Variants in DNAJC11 observed in about 807,000 individuals in gnomAD.
DNAJC11 encodes dnaJ homolog subfamily C member 11.
Under a neutral mutation model 78.6 loss-of-function variants are expected in DNAJC11, and 15 were observed. That is an observed-to-expected ratio of 0.19 (90% CI 0.13 to 0.29). The LOEUF is 0.29. Among genes scored for constraint, DNAJC11 ranks in the 10% least tolerant of loss-of-function variants. The pLI is 1.00. For missense variants in DNAJC11, 547 were observed against 709.6 expected (o/e 0.77, Z 2.60); for synonymous variants, 292 against 272.1 (o/e 1.07, Z -0.72).
intron 3 of DNAJC11, among the ~76,000 whole-genome samples, chr1:6,674,804 G>T (rs531783280): frequency 6.6e-6 from 1 of 152,150 alleles, no homozygotes; most frequent in East Asian, 1.9e-4. Context: ...AGAAGCTCCA[G>T]GGTTGGGGAG....
At chr1:6,685,121 A>C (rs1050894208) in intron 1 of DNAJC11, among the ~76,000 whole-genome samples, 2 of 152,162 alleles carry the variant, frequency 1.3e-5, no homozygotes, top group African/African-American at 4.8e-5. Flanking sequence ...AAAAAATTTA[A>C]AAAAATTATC....
chr1:6,644,260 A>G (rs1352755792), intron 10 of DNAJC11, among the ~76,000 whole-genome samples: 1 of 151,636 alleles, frequency 6.6e-6, no homozygotes, highest in Non-Finnish European at 1.5e-5. Flanking sequence ...CGGCCTCCCA[A>G]ATAGCTGGGA....
intron 1 of DNAJC11, among the ~76,000 whole-genome samples, chr1:6,683,957 C>T (rs1642594155): frequency 6.6e-6 from 1 of 152,314 alleles, no homozygotes; most frequent in East Asian, 1.9e-4. Flanking sequence ...CAATATACCA[C>T]CTATACCAAA....
At chr1:6,649,693 T>C (rs1468824767) in intron 7 of DNAJC11, among the ~76,000 whole-genome samples, 3 of 151,928 alleles carry the variant, frequency 2.0e-5, no homozygotes, top group Non-Finnish European at 1.5e-5. Flanking sequence ...ACATGTCTCA[T>C]TGGAAGTGTA....
In DNAJC11 at chr1:6,701,747, C is replaced by T; in HGVS notation, c.54G>A (p.Leu18=). Residue 18 remains leucine (L), a synonymous_variant, in exon 1 of 16, where the codon TTG becomes TTA. Transcript: ENST00000377577. The stretch of plus-strand genomic sequence containing the variant: ...GCCTCACCTCCCTGCGCACGTTCAG[C>T]AACGAGTAATAGTCTTCATTGTCCA... The part of the protein sequence containing the change: ...EELDNEDYYS[L]LNVRREASSE... The T allele has an allele frequency of 6.4e-7, 1 of 1,564,812 alleles. No individual in the cohort carries two copies. The highest frequency in any genetic ancestry group is 8.6e-7 in the Non-Finnish European group (1 of 1,158,030).
At chr1:6,697,743 G>A (rs1223931827) in intron 1 of DNAJC11, among the ~76,000 whole-genome samples, 1 of 152,144 alleles carries the variant, frequency 6.6e-6, no homozygotes, top group Non-Finnish European at 1.5e-5. Flanking sequence ...CCTGGAGAGG[G>A]AGATTCTTCA....
intron 4 of DNAJC11, among the ~76,000 whole-genome samples, chr1:6,663,304 CA>C (rs1202791706): frequency 6.6e-6 from 1 of 152,146 alleles, no homozygotes; most frequent in Non-Finnish European, 1.5e-5. Flanking sequence ...CCCACACCCC[CA>C]AACAAACCTA....
chr1:6,700,986 G>A (rs1642916330), intron 1 of DNAJC11, among the ~76,000 whole-genome samples: 1 of 152,200 alleles, frequency 6.6e-6, no homozygotes, highest in Non-Finnish European at 1.5e-5. Flanking sequence ...ACTACTGCCA[G>A]GCTATGTGAG....
In DNAJC11 at chr1:6,669,046, A is replaced by G. The variant is rs113018684; in HGVS notation, c.277-1236T>C. 3.6e-3 allele frequency among the ~76,000 whole-genome samples: 551 copies of G among 151,450 alleles called. 3 individuals carry two copies. Among genetic ancestry groups the G allele is most frequent in the African/African-American group, 0.013 (522 of 41,302 alleles). The stretch of plus-strand genomic sequence containing the variant: ...TACTAAAAATACAAAAATTAGTCAG[A>G]TGTGGTGGCAGGTGCCTGTAATCCC... On this transcript the variant is annotated intron_variant, in intron 3 of 15. Transcript: ENST00000377577.
At chr1:6,654,408 C>T (rs1642099047) in intron 4 of DNAJC11, 1 of 160,186 alleles carries the variant, frequency 6.2e-6, no homozygotes, top group Non-Finnish European at 1.4e-5. Flanking sequence ...AAATGAGCTA[C>T]ATGGATTAAA....
chr1:6,701,580 G>A (rs1167573331), intron 1 of DNAJC11, 149 bp downstream of exon 1: 9 of 731,324 alleles, frequency 1.2e-5, no homozygotes, highest in Non-Finnish European at 1.8e-5. Context: ...CCTCCATCGG[G>A]CGGCTGGCGT....
At chr1:6,684,496 T>C (rs1453630602) in intron 1 of DNAJC11, among the ~76,000 whole-genome samples, 2 of 152,258 alleles carry the variant, frequency 1.3e-5, no homozygotes, top group Non-Finnish European at 2.9e-5. Flanking sequence ...TTCCTGGTTA[T>C]TAAAATTAAA....
chr1:6,666,198 CCATA>C (rs1221390996), intron 4 of DNAJC11, among the ~76,000 whole-genome samples: 2 of 152,106 alleles, frequency 1.3e-5, no homozygotes, highest in African/African-American at 4.8e-5. Flanking sequence ...TCATTCCCAT[CCATA>C]ATTTTATCTG....
intron 7 of DNAJC11, among the ~76,000 whole-genome samples, chr1:6,648,249 G>T (rs550714744): frequency 1.5e-4 from 23 of 152,122 alleles, no homozygotes; most frequent in Admixed American, 9.8e-4. Flanking sequence ...TCTGCCTCCC[G>T]GGTTCAGGCA....
At chr1:6,692,878 T>C (rs1293435485) in intron 1 of DNAJC11, among the ~76,000 whole-genome samples, 1 of 151,958 alleles carries the variant, frequency 6.6e-6, no homozygotes, top group Non-Finnish European at 1.5e-5. Context: ...CCCAAAGTGC[T>C]GGGATTACAG....
intron 7 of DNAJC11, among the ~76,000 whole-genome samples, chr1:6,648,399 G>A (rs12137106): frequency 0.3 from 45,782 of 152,104 alleles, 7,421 homozygotes; most frequent in South Asian, 0.47. Flanking sequence ...CAGGCGACCC[G>A]CCTGCCTTGG....
At chr1:6,676,558 T>C (rs565199462) in intron 3 of DNAJC11, among the ~76,000 whole-genome samples, 34 of 152,210 alleles carry the variant, frequency 2.2e-4, no homozygotes, top group African/African-American at 7.7e-4. Context: ...TGTGTGCCTG[T>C]AGTCGCAGCT....
chr1:6,638,167 T>G, intron 12 of DNAJC11, 128 bp downstream of exon 12: 5 of 878,442 alleles, frequency 5.7e-6, no homozygotes, highest in Non-Finnish European at 8.7e-6. Context: ...CATCCCACAA[T>G]AAAGACTAAG....
intron 4 of DNAJC11, 85 bp downstream of exon 4, chr1:6,667,624 A>T: frequency 9.0e-7 from 1 of 1,116,232 alleles, no homozygotes; most frequent in Non-Finnish European, 1.4e-6. Flanking sequence ...TTAACAATCC[A>T]CCAGCACCTC....
Sources: allele counts gnomAD v4.1 joint callset (sites outside exome capture counted in the v4.1 genomes callset), GRCh38; gene constraint gnomAD v4.1.1; transcripts MANE v1.5; gene names NCBI Gene and HGNC (gene_info 2026-07-23, HGNC 2026-07-21).